The following ROBO1 variants were observed in gnomAD, a reference collection of about 807,000 sequenced individuals.
The protein encoded by ROBO1 is roundabout homolog 1.
A neutral mutation model predicts 195.9 loss-of-function variants in ROBO1; 149 were observed. The observed-to-expected ratio is 0.76, with a 90% confidence interval of 0.67 to 0.87. The LOEUF (loss-of-function observed/expected upper bound fraction) is 0.87, where lower values mean the gene tolerates loss of function less well. Ranked by LOEUF, ROBO1 falls within the 40% of genes least tolerant of loss-of-function variation. The pLI is 0.00. For missense variants in ROBO1, 1,933 were observed against 2,068.3 expected (o/e 0.93, Z 1.27); for synonymous variants, 816 against 733.2 (o/e 1.11, Z -1.82).
chr3:79,044,700 C>CT (rs1415081680), intron 3 of ROBO1, among the ~76,000 whole-genome samples: 2 of 151,528 alleles, frequency 1.3e-5, no homozygotes, highest in African/African-American at 4.8e-5. Context: ...ACACAGTCAG[C>CT]TTTTTTTAAA....
intron 2 of ROBO1, among the ~76,000 whole-genome samples, chr3:79,335,048 T>C (rs768761851): frequency 6.6e-6 from 1 of 151,838 alleles, no homozygotes; most frequent in Non-Finnish European, 1.5e-5. Flanking sequence ...ACCTGGGAGG[T>C]TGAGGTTGCC....
intron 2 of ROBO1, among the ~76,000 whole-genome samples, chr3:79,251,452 T>C (rs548557745): frequency 6.6e-6 from 1 of 152,180 alleles, no homozygotes; most frequent in South Asian, 2.1e-4. Context: ...ACATGTTGCA[T>C]TAAAAATTTA....
At chr3:79,006,990 T>G (rs2077639300) in intron 3 of ROBO1, among the ~76,000 whole-genome samples, 1 of 152,146 alleles carries the variant, frequency 6.6e-6, no homozygotes, top group Non-Finnish European at 1.5e-5. Context: ...GTTATTTACA[T>G]TTTTAAATAA....
Position 78,631,186 on chromosome 3 carries a change from C to G in ROBO1, c.3601G>C (p.Glu1201Gln), listed in dbSNP as rs1480460590. The G allele has an allele frequency of 6.2e-7, 1 of 1,612,336 alleles. No homozygotes were observed. Among genetic ancestry groups the G allele is most frequent in the Non-Finnish European group, 8.5e-7 (1 of 1,179,102 alleles). The change falls in exon 25 of 31, where the codon GAG becomes CAG. Residue 1201 changes from glutamate to glutamine, a missense_variant. Glu to Gln is a conservative substitution (Grantham distance 29). Transcript: ENST00000464233. ...AHPPPHSNSE[E>Q]YNISVDESYD... Reference sequence around the variant, plus strand: ...CTTTCATCTACAGAAATGTTGTACTCTTCGCTATTGCTGTGTGGAGGAGGA... The same window carrying G: ...CTTTCATCTACAGAAATGTTGTACTGTTCGCTATTGCTGTGTGGAGGAGGA...
chr3:79,726,222 C>G (rs1171576447), intron 1 of ROBO1, among the ~76,000 whole-genome samples: 1 of 152,116 alleles, frequency 6.6e-6, no homozygotes, highest in Non-Finnish European at 1.5e-5. Flanking sequence ...GGGGCATAAT[C>G]CTCTCCCAGG....
chr3:79,571,812 G>T (rs1943287294), intron 2 of ROBO1, among the ~76,000 whole-genome samples: 1 of 151,938 alleles, frequency 6.6e-6, no homozygotes, highest in South Asian at 2.1e-4. Context: ...CTTACTTCTG[G>T]CAACAGCACT....
chr3:78,779,549 A>G (rs919868710), intron 4 of ROBO1, among the ~76,000 whole-genome samples: 1 of 152,224 alleles, frequency 6.6e-6, no homozygotes, highest in East Asian at 1.9e-4. Context: ...AATCAAAACC[A>G]TAATGAGATG....
intron 1 of ROBO1, among the ~76,000 whole-genome samples, chr3:79,699,947 A>T (rs1947564916): frequency 6.6e-6 from 1 of 151,616 alleles, no homozygotes; most frequent in Non-Finnish European, 1.5e-5. Context: ...CCAGGTACTG[A>T]GCATAGTACA....
At chr3:79,212,599 C>A (rs1332653910) in intron 2 of ROBO1, among the ~76,000 whole-genome samples, 2 of 152,188 alleles carry the variant, frequency 1.3e-5, no homozygotes, top group Admixed American at 1.3e-4. Flanking sequence ...GGGCGCAGAT[C>A]ACTTGAGGCC....
chr3:78,824,736 C>A (rs1447662709), intron 4 of ROBO1, among the ~76,000 whole-genome samples: 1 of 152,126 alleles, frequency 6.6e-6, no homozygotes, highest in African/African-American at 2.4e-5. Flanking sequence ...TAATAACCCT[C>A]ATATTTTTGT....
chr3:79,430,723 C>G (rs1301463077), intron 2 of ROBO1, among the ~76,000 whole-genome samples: 1 of 152,094 alleles, frequency 6.6e-6, no homozygotes, highest in Non-Finnish European at 1.5e-5. Flanking sequence ...CTGTTCTCTA[C>G]ATTTTTTGAA....
intron 2 of ROBO1, among the ~76,000 whole-genome samples, chr3:79,197,675 T>C (rs564433816): frequency 2.1e-4 from 32 of 152,266 alleles, no homozygotes; most frequent in African/African-American, 7.5e-4. Flanking sequence ...AGTGTTCCTA[T>C]TTCTCCACAT....
intron 2 of ROBO1, among the ~76,000 whole-genome samples, chr3:79,321,196 T>C (rs924376504): frequency 3.9e-5 from 6 of 152,268 alleles, no homozygotes; most frequent in Admixed American, 1.3e-4. Context: ...TTTTTTTTCT[T>C]GAGTTCAGAT....
intron 3 of ROBO1, among the ~76,000 whole-genome samples, chr3:78,962,245 G>A (rs1253521562): frequency 6.6e-6 from 1 of 152,158 alleles, no homozygotes; most frequent in Non-Finnish European, 1.5e-5. Context: ...AAGTGCCTGT[G>A]CTTCAAAGTG....
intron 1 of ROBO1, among the ~76,000 whole-genome samples, chr3:79,700,373 C>G (rs1161922164): frequency 1.4e-5 from 2 of 145,564 alleles, no homozygotes; most frequent in Non-Finnish European, 3.0e-5. Flanking sequence ...AATTTATTTT[C>G]TTTTGGATAT....
intron 2 of ROBO1, among the ~76,000 whole-genome samples, chr3:79,166,985 GC>G (rs2081079386): frequency 6.6e-6 from 1 of 151,902 alleles, no homozygotes; most frequent in Non-Finnish European, 1.5e-5. Flanking sequence ...TATGCCTGAG[GC>G]GATGTGCACA....
intron 10 of ROBO1, among the ~76,000 whole-genome samples, chr3:78,675,814 G>T (rs2107753880): frequency 6.6e-6 from 1 of 152,272 alleles, no homozygotes; most frequent in Admixed American, 6.5e-5. Context: ...CAGCTTTGAA[G>T]AGAGCAGTGG....
intron 3 of ROBO1, among the ~76,000 whole-genome samples, chr3:79,080,956 C>G (rs1468422619): frequency 1.3e-5 from 2 of 152,060 alleles, no homozygotes; most frequent in East Asian, 3.9e-4. Context: ...CCAAGCAAAT[C>G]AGGGCCCAGA....
chr3:78,710,630 C>A (rs1255242668), intron 8 of ROBO1, among the ~76,000 whole-genome samples: 3 of 152,034 alleles, frequency 2.0e-5, no homozygotes, highest in African/African-American at 7.2e-5. Flanking sequence ...ACATATGGGT[C>A]AACTGAGTTT....
Sources: gnomAD v4.1 joint callset for allele counts (sites outside exome capture counted in the v4.1 genomes callset) on GRCh38, gnomAD v4.1.1 for gene constraint, MANE v1.5 for transcripts, NCBI Gene and HGNC (gene_info 2026-07-23, HGNC 2026-07-21) for gene names.